Variants in SSH2 observed in about 807,000 individuals in gnomAD.
SSH2 encodes slingshot protein phosphatase 2, also known as protein phosphatase Slingshot homolog 2.
In SSH2, 37 loss-of-function variants were observed where a neutral mutation model predicts 135.2. The ratio of observed to expected loss-of-function variants is 0.27; its 90% CI spans 0.21 to 0.36. The LOEUF (loss-of-function observed/expected upper bound fraction) is 0.36. SSH2 is among the 10% of genes least tolerant of loss of function. The pLI, the probability that SSH2 is intolerant of heterozygous loss-of-function variation, is 1.00. For synonymous variants in SSH2, 628 were observed against 646.2 expected, an observed-to-expected ratio of 0.97 and a Z score of 0.43; for missense variants, 1,408 against 1,765.3, an observed-to-expected ratio of 0.80 and a Z score of 3.63.
chr17:29,873,732 T>A (rs546783674), intron 1 of SSH2, among the ~76,000 whole-genome samples: 1 of 152,308 alleles, frequency 6.6e-6, no homozygotes, highest in African/African-American at 2.4e-5. Flanking sequence ...ATAGAGCAAA[T>A]TTAAATTGGA....
intron 3 of SSH2, among the ~76,000 whole-genome samples, chr17:29,770,218 C>T (rs1474962766): frequency 6.8e-6 from 1 of 147,726 alleles, no homozygotes; most frequent in African/African-American, 2.5e-5. Context: ...TAGTGATTCT[C>T]ATGCCTCAAC....
intron 3 of SSH2, among the ~76,000 whole-genome samples, chr17:29,767,019 A>T (rs561410936): frequency 2.2e-4 from 34 of 152,334 alleles, no homozygotes; most frequent in South Asian, 1.9e-3. Context: ...GCTAATTTTT[A>T]AAAAAAGAAT....
intron 1 of SSH2, among the ~76,000 whole-genome samples, chr17:29,895,282 TTTA>T (rs955620810): frequency 1.6e-5 from 2 of 124,242 alleles, no homozygotes; most frequent in African/African-American, 6.1e-5. Flanking sequence ...TAAAATATAT[TTTA>T]TATATACATT....
chr17:29,857,659 A>G (rs1024910145), intron 1 of SSH2, among the ~76,000 whole-genome samples: 5 of 152,006 alleles, frequency 3.3e-5, no homozygotes, highest in African/African-American at 1.2e-4. Flanking sequence ...AATTTTTAAA[A>G]TTTTTCTGTA....
intron 3 of SSH2, among the ~76,000 whole-genome samples, chr17:29,785,463 A>G (rs913994612): frequency 1.3e-5 from 2 of 149,992 alleles, no homozygotes; most frequent in Non-Finnish European, 1.5e-5. Context: ...AGCTGTTTAC[A>G]GTTAATATGT....
At chr17:29,899,584 A>G (rs1437936249) in intron 1 of SSH2, among the ~76,000 whole-genome samples, 1 of 152,204 alleles carries the variant, frequency 6.6e-6, no homozygotes, top group Non-Finnish European at 1.5e-5. Flanking sequence ...GATGTGAAGG[A>G]CCTCTTCAAG....
At chr17:29,837,413 A>T (rs2042960681) in intron 2 of SSH2, among the ~76,000 whole-genome samples, 1 of 152,210 alleles carries the variant, frequency 6.6e-6, no homozygotes, top group Non-Finnish European at 1.5e-5. Flanking sequence ...AGTAATATCC[A>T]ATTTCCAGTG....
At chr17:29,676,938 G>A in intron 7 of SSH2, 53 bp from the exon 8 acceptor site, 1 of 1,487,378 alleles carries the variant, frequency 6.7e-7, no homozygotes, top group Non-Finnish European at 9.4e-7. Context: ...TAGGTTATTT[G>A]AATTGTGAGT....
chr17:29,868,053 C>T (rs527771524), intron 1 of SSH2, among the ~76,000 whole-genome samples: 3 of 152,194 alleles, frequency 2.0e-5, no homozygotes, highest in Admixed American at 2.0e-4. Context: ...AGAGAAGCTG[C>T]CTAGAAGGAG....
At chr17:29,898,172 A>G (rs2066478795) in intron 1 of SSH2, among the ~76,000 whole-genome samples, 1 of 152,202 alleles carries the variant, frequency 6.6e-6, no homozygotes, top group Non-Finnish European at 1.5e-5. Flanking sequence ...CACAAGAGAA[A>G]GCAGGAAAGA....
At chr17:29,845,300 G>GC (rs921070843) in intron 2 of SSH2, among the ~76,000 whole-genome samples, 1 of 152,052 alleles carries the variant, frequency 6.6e-6, no homozygotes, top group Non-Finnish European at 1.5e-5. Context: ...GCAAATAACT[G>GC]CCCCCCACCC....
At chr17:29,927,634 T>C (rs1282078616) in intron 1 of SSH2, among the ~76,000 whole-genome samples, 2 of 151,956 alleles carry the variant, frequency 1.3e-5, no homozygotes, top group Middle Eastern at 3.2e-3. Flanking sequence ...AACAGCAAAA[T>C]ATATGGAGGT....
chr17:29,660,307 G>A (rs993071058), intron 11 of SSH2, among the ~76,000 whole-genome samples: 7 of 146,034 alleles, frequency 4.8e-5, no homozygotes, highest in African/African-American at 7.6e-5. Flanking sequence ...TCGCTCTGTC[G>A]CCAGGCTGGA....
chr17:29,638,899 A>T (rs982076240), intron 14 of SSH2, among the ~76,000 whole-genome samples: 1 of 152,148 alleles, frequency 6.6e-6, no homozygotes, highest in Non-Finnish European at 1.5e-5. Context: ...TAAAAATTAT[A>T]ATCAGAAAAA....
chr17:29,765,996 G>T (rs1383588300), intron 3 of SSH2, among the ~76,000 whole-genome samples: 2 of 130,576 alleles, frequency 1.5e-5, no homozygotes, highest in African/African-American at 6.3e-5. Flanking sequence ...CTCCAGCCTG[G>T]ATGACAGAGT....
At chr17:29,735,761 C>A (rs1354724850) in intron 3 of SSH2, among the ~76,000 whole-genome samples, 1 of 150,872 alleles carries the variant, frequency 6.6e-6, no homozygotes, top group Non-Finnish European at 1.5e-5. Flanking sequence ...CCTATTAAGA[C>A]CCTCTACCTG....
At chr17:29,814,155 G>GAAAAAAAAAT (rs2042507612) in intron 2 of SSH2, among the ~76,000 whole-genome samples, 1 of 131,418 alleles carries the variant, frequency 7.6e-6, no homozygotes, top group African/African-American at 3.1e-5. Context: ...AAAAAAAAAG[G>GAAAAAAAAAT]CCGGGCACGG....
At chr17:29,879,031 G>A (rs1248446423) in intron 1 of SSH2, among the ~76,000 whole-genome samples, 1 of 152,220 alleles carries the variant, frequency 6.6e-6, no homozygotes, top group South Asian at 2.1e-4. Context: ...TAAATTACAT[G>A]ATTTCCCCTC....
chr17:29,667,090 C>T, intron 10 of SSH2, 40 bp downstream of exon 10: 1 of 1,604,828 alleles, frequency 6.2e-7, no homozygotes, highest in Non-Finnish European at 8.5e-7. Context: ...TGTTATCCCA[C>T]TGCTAGCCTT....
Sources: gnomAD v4.1 joint callset for allele counts (sites outside exome capture counted in the v4.1 genomes callset) on GRCh38, gnomAD v4.1.1 for gene constraint, MANE v1.5 for transcripts, NCBI Gene and HGNC (gene_info 2026-07-23, HGNC 2026-07-21) for gene names.